Variants in OR2L13 observed in about 807,000 individuals in gnomAD.
The protein encoded by OR2L13 is olfactory receptor 2L13.
Under a neutral mutation model 15.3 loss-of-function variants are expected in OR2L13, and 14 were observed. The observed-to-expected ratio is 0.91, with a 90% confidence interval of 0.60 to 1.43. The LOEUF is 1.43. Ranked by LOEUF, OR2L13 falls within the 40% of genes most tolerant of loss-of-function variation. The pLI, the probability that OR2L13 is intolerant of heterozygous loss-of-function variation, is 0.00. For synonymous variants in OR2L13, 152 were observed against 142.9 expected, an observed-to-expected ratio of 1.06 and a Z score of -0.45; for missense variants, 367 against 387.9, an observed-to-expected ratio of 0.95 and a Z score of 0.45.
chr1:248,006,938 A>G, the OR2L13 span, among the ~76,000 whole-genome samples: 2 of 152,164 alleles, frequency 1.3e-5, no homozygotes, highest in African/African-American at 2.4e-5. Flanking sequence ...AGGTTACCCC[A>G]TTTAAGATAC....
the OR2L13 span, among the ~76,000 whole-genome samples, chr1:248,057,458 C>T: frequency 6.6e-6 from 1 of 152,036 alleles, no homozygotes; most frequent in African/African-American, 2.4e-5. Context: ...GGATTGCTAC[C>T]ACTGCTTTTT....
chr1:248,034,368 G>C, the OR2L13 span, among the ~76,000 whole-genome samples: 1 of 152,128 alleles, frequency 6.6e-6, no homozygotes, highest in Non-Finnish European at 1.5e-5. Flanking sequence ...AACAAATCTG[G>C]AGGCGTTTGG....
chr1:248,045,106 T>A, the OR2L13 span, among the ~76,000 whole-genome samples: 1 of 152,242 alleles, frequency 6.6e-6, no homozygotes, highest in African/African-American at 2.4e-5. Flanking sequence ...CTGAATCTTG[T>A]ATCTTTGGGA....
the OR2L13 span, chr1:247,991,272 G>A: frequency 9.8e-7 from 1 of 1,021,212 alleles, no homozygotes; most frequent in South Asian, 1.6e-5. Context: ...CGGCGGTTAA[G>A]GAAAATATTA....
At chr1:247,940,757 C>G in the OR2L13 span, among the ~76,000 whole-genome samples, 1 of 147,288 alleles carries the variant, frequency 6.8e-6, no homozygotes, top group South Asian at 2.2e-4. Flanking sequence ...TGTGTGTGTG[C>G]GCGCGCTAAG....
intron 1 of OR2L13, among the ~76,000 whole-genome samples, chr1:248,097,715 C>T (rs150091925): frequency 3.7e-4 from 57 of 152,308 alleles, no homozygotes; most frequent in African/African-American, 1.3e-3. Flanking sequence ...GTTCAGGGCT[C>T]GGTATTGGAT....
At chr1:248,075,898 G>T in the OR2L13 span, among the ~76,000 whole-genome samples, 1 of 152,122 alleles carries the variant, frequency 6.6e-6, no homozygotes, top group Admixed American at 6.5e-5. Flanking sequence ...ATTGCTTTTG[G>T]TGTTTTAGTC....
chr1:247,952,789 G>A, the OR2L13 span, among the ~76,000 whole-genome samples: 2 of 152,144 alleles, frequency 1.3e-5, no homozygotes, highest in African/African-American at 4.8e-5. Context: ...CCCATTTCAG[G>A]TAGTGATTCA....
upstream of OR2L13, among the ~76,000 whole-genome samples, chr1:248,091,672 T>A (rs1664600753): frequency 6.6e-6 from 1 of 152,198 alleles, no homozygotes; most frequent in African/African-American, 2.4e-5. Flanking sequence ...ACATGCTGTT[T>A]TGATTATTGT....
chr1:247,939,366 A>G, the OR2L13 span: 1 of 152,182 alleles, frequency 6.6e-6, no homozygotes, highest in Non-Finnish European at 1.5e-5. Flanking sequence ...TGAAATTATC[A>G]CAGGCATGGA....
chr1:247,960,206 T>A, the OR2L13 span, among the ~76,000 whole-genome samples: 1 of 152,172 alleles, frequency 6.6e-6, no homozygotes, highest in African/African-American at 2.4e-5. Context: ...GGAGGTCCAC[T>A]CCAGACCCTG....
the OR2L13 span, among the ~76,000 whole-genome samples, chr1:247,955,530 T>A: frequency 3.9e-5 from 6 of 152,124 alleles, no homozygotes; most frequent in Non-Finnish European, 7.4e-5. Flanking sequence ...CCACATTGAC[T>A]TCCACAATGG....
the OR2L13 span, chr1:248,002,999 A>G: frequency 1.6e-6 from 1 of 614,330 alleles, no homozygotes. Context: ...TTTGGTTGGT[A>G]GGCTATTTAT....
the OR2L13 span, among the ~76,000 whole-genome samples, chr1:248,059,851 T>C: frequency 6.6e-6 from 1 of 152,098 alleles, no homozygotes; most frequent in Non-Finnish European, 1.5e-5. Context: ...AAAACCAGCC[T>C]GGCAACATAG....
the OR2L13 span, among the ~76,000 whole-genome samples, chr1:248,072,673 C>G: frequency 6.6e-6 from 1 of 151,892 alleles, no homozygotes; most frequent in African/African-American, 2.4e-5. Context: ...AAGAAACTAC[C>G]ATCAGAGTGA....
chr1:247,952,138 A>G, the OR2L13 span, among the ~76,000 whole-genome samples: 2 of 152,200 alleles, frequency 1.3e-5, no homozygotes, highest in Non-Finnish European at 2.9e-5. Flanking sequence ...ATACTCAGAG[A>G]TGAAATTATT....
upstream of OR2L13, among the ~76,000 whole-genome samples, chr1:248,091,464 A>G (rs756728518): frequency 6.6e-6 from 1 of 152,030 alleles, no homozygotes; most frequent in Non-Finnish European, 1.5e-5. Context: ...TGTGTATGTG[A>G]TGTAAAAAGG....
At chr1:248,074,488 T>C in the OR2L13 span, among the ~76,000 whole-genome samples, 1 of 152,022 alleles carries the variant, frequency 6.6e-6, no homozygotes, top group African/African-American at 2.4e-5. Flanking sequence ...GATAAACAAC[T>C]TCAGCAAAGT....
chr1:247,953,221 A>G, the OR2L13 span, among the ~76,000 whole-genome samples: 3 of 152,230 alleles, frequency 2.0e-5, no homozygotes, highest in African/African-American at 4.8e-5. Context: ...TACCTCACAG[A>G]GTCCTTGGCT....
Sources: gnomAD v4.1 joint callset for allele counts (sites outside exome capture counted in the v4.1 genomes callset) on GRCh38, gnomAD v4.1.1 for gene constraint, MANE v1.5 for transcripts, NCBI Gene and HGNC (gene_info 2026-07-23, HGNC 2026-07-21) for gene names.